ACACA: variants seen among roughly 807,000 people sequenced by gnomAD.
ACACA encodes acetyl-CoA carboxylase 1.
In ACACA, 103 loss-of-function variants were observed where a neutral mutation model predicts 296.1. That is an observed-to-expected ratio of 0.35 (90% CI 0.30 to 0.41). ACACA has a LOEUF of 0.41. Ranked by LOEUF, ACACA falls within the 10% of genes least tolerant of loss-of-function variation. ACACA has a pLI of 1.00. For missense variants in ACACA, 1,554 were observed against 2,989.7 expected, an observed-to-expected ratio of 0.52 and a Z score of 11.20; for synonymous variants, 953 against 1,038.6, an observed-to-expected ratio of 0.92 and a Z score of 1.58.
chr17:37,332,496 C>T (rs949692823), intron 2 of ACACA, among the ~76,000 whole-genome samples: 2 of 151,294 alleles, frequency 1.3e-5, no homozygotes, highest in East Asian at 1.9e-4. Flanking sequence ...TAAGCCTGGG[C>T]GCGGTGGCTC....
In ACACA at chr17:37,086,593, A is replaced by G. The variant is rs1031123945; in HGVS notation, c.*723T>C. On this transcript the variant is annotated 3_prime_UTR_variant, in exon 56 of 56. Transcript: ENST00000616317. ...ACGTGCAGGCGAGAGGCAGGCCAAC[A>G]ACTACCTTTCCCTTTGTCCTCAGAG... 2.6e-5 allele frequency: 4 copies of G among 152,724 alleles called. No homozygotes were observed. Among genetic ancestry groups the G allele is most frequent in the African/African-American group, 9.7e-5 (4 of 41,440 alleles). 9.5% of individuals were successfully genotyped at this position (152,724 alleles called of 1,614,324 possible).
chr17:37,228,312 T>C (rs1176028203), intron 25 of ACACA, among the ~76,000 whole-genome samples: 1 of 148,690 alleles, frequency 6.7e-6, no homozygotes, highest in African/African-American at 2.5e-5. Flanking sequence ...ATAAAACATA[T>C]GATGGGAGTT....
At chr17:37,144,246 A>G in intron 45 of ACACA, 1 of 692,620 alleles carries the variant, frequency 1.4e-6, no homozygotes, top group Non-Finnish European at 2.7e-6. Flanking sequence ...AAAAATGCGT[A>G]TGACAACATC....
In ACACA at chr17:37,088,236, A is replaced by G. The variant is rs980419362; in HGVS notation, c.7028+702T>C. Among the ~76,000 whole-genome samples, 5 of 152,326 alleles carry G rather than the reference A, an allele frequency of 3.3e-5. No homozygotes were observed. In the South Asian group the frequency reaches 8.3e-4, roughly 25 times the overall value. On this transcript the variant is annotated intron_variant, in intron 55 of 55. Transcript: ENST00000616317. ...TAAATTTACAAAAGTGGATCATTTT[A>G]TGATGGTTATGTAAAAGTATCCCTA...
rs570156196 is a variant in ACACA at position 37,283,546 on chromosome 17, A to G, written c.472-141T>C. 5 of 1,084,116 alleles carry G rather than the reference A, an allele frequency of 4.6e-6. No homozygotes were observed. The South Asian group carries it at 6.1e-5, about 13-fold the overall frequency. 67.2% of individuals were successfully genotyped at this position (1,084,116 alleles called of 1,614,324 possible). A position where few individuals can be genotyped will look rare whatever the true frequency, so the allele number is the denominator to read the frequency against. On this transcript the variant is annotated intron_variant, in intron 4 of 55. Coordinates refer to ENST00000616317, the MANE Select transcript of ACACA (RefSeq NM_198834.3). ...AACCAAGAATTCTTGTTACTGGTCC[A>G]GACTGTTAGAAACTGGCTTCCCCAA...
chr17:37,167,441 C>T (rs1389726678), intron 41 of ACACA, among the ~76,000 whole-genome samples: 1 of 151,106 alleles, frequency 6.6e-6, no homozygotes, highest in Non-Finnish European at 1.5e-5. Context: ...GCCTCAGCCT[C>T]CCAAGTAACT....
intron 1 of ACACA, among the ~76,000 whole-genome samples, chr17:37,351,465 CA>C (rs1398953200): frequency 1.3e-5 from 2 of 152,034 alleles, no homozygotes; most frequent in Non-Finnish European, 1.5e-5. Context: ...GACTCTGTCT[CA>C]AAAAATAAAT....
intron 3 of ACACA, among the ~76,000 whole-genome samples, chr17:37,320,346 A>AAACCCTGTCT (rs1168127116): frequency 6.6e-6 from 1 of 151,722 alleles, no homozygotes; most frequent in East Asian, 1.9e-4. Flanking sequence ...CCCTGTCTCT[A>AAACCCTGTCT]CTAAAAAAAC....
chr17:37,347,049 G>A (rs577902271), intron 1 of ACACA, among the ~76,000 whole-genome samples: 11 of 152,304 alleles, frequency 7.2e-5, no homozygotes, highest in African/African-American at 2.2e-4. Flanking sequence ...TGGTCTGGCT[G>A]TGTCCCCACC....
At chr17:37,231,741 C>T (rs2079868870) in intron 25 of ACACA, among the ~76,000 whole-genome samples, 1 of 152,118 alleles carries the variant, frequency 6.6e-6, no homozygotes, top group African/African-American at 2.4e-5. Flanking sequence ...ATCAAGGTGG[C>T]TAGAAGATAT....
intron 1 of ACACA, among the ~76,000 whole-genome samples, chr17:37,364,590 CAAAAA>C (rs58523091): frequency 2.1e-5 from 2 of 94,102 alleles, no homozygotes; most frequent in African/African-American, 4.9e-5. Flanking sequence ...GACTCCGTCT[CAAAAA>C]AAAAAAAAAA....
intron 3 of ACACA, among the ~76,000 whole-genome samples, chr17:37,320,301 CAGG>C (rs768482409): frequency 4.6e-5 from 7 of 151,984 alleles, no homozygotes; most frequent in Non-Finnish European, 8.8e-5. Context: ...CACCTGAGGT[CAGG>C]AGTTCGAGAC....
rs142293793 is a variant in ACACA, at chr17:37,234,831, C to A, written c.3246+144G>T. 187 of 926,442 alleles carry A rather than the reference C, an allele frequency of 2.0e-4. No homozygotes were observed. The African/African-American group carries it at 2.2e-3, about 11-fold the overall frequency. 57.4% of individuals were successfully genotyped at this position (926,442 alleles called of 1,614,324 possible). A position where few individuals can be genotyped will look rare whatever the true frequency, so the allele number is the denominator to read the frequency against. ...CAAGGACAAAGGTAGATGTGAGAAACTGTTAATCCACAGCTCAAGCCCCAT... is the reference window on the plus strand; with the variant it reads ...CAAGGACAAAGGTAGATGTGAGAAAATGTTAATCCACAGCTCAAGCCCCAT... On this transcript the variant is annotated intron_variant, in intron 25 of 55. Coordinates refer to ENST00000616317, the MANE Select transcript of ACACA (RefSeq NM_198834.3).
intron 39 of ACACA, among the ~76,000 whole-genome samples, chr17:37,183,564 C>T (rs1260752018): frequency 3.3e-5 from 5 of 152,096 alleles, no homozygotes; most frequent in Non-Finnish European, 7.4e-5. Context: ...CGCAGTGGCT[C>T]ACGCCTGCAA....
chr17:37,168,397 T>C (rs1210024977), intron 41 of ACACA, among the ~76,000 whole-genome samples: 2 of 152,198 alleles, frequency 1.3e-5, no homozygotes, highest in African/African-American at 2.4e-5. Flanking sequence ...TTGATAACTT[T>C]AACTTTTTAT....
intron 39 of ACACA, among the ~76,000 whole-genome samples, chr17:37,183,850 T>C (rs1188502852): frequency 1.4e-5 from 2 of 141,866 alleles, no homozygotes; most frequent in East Asian, 2.0e-4. Context: ...TTTCAGTCCT[T>C]TTTTTTTTTT....
intron 1 of ACACA, among the ~76,000 whole-genome samples, chr17:37,395,630 C>T (rs1006575515): frequency 2.0e-5 from 3 of 151,994 alleles, no homozygotes; most frequent in African/African-American, 4.8e-5. Flanking sequence ...CCGCAACCTC[C>T]GCCCGGGTTC....
At chr17:37,126,210 CTTTCT>C (rs1391340967) in intron 47 of ACACA, among the ~76,000 whole-genome samples, 2 of 152,118 alleles carry the variant, frequency 1.3e-5, no homozygotes, top group Non-Finnish European at 2.9e-5. Context: ...ATTCCACTGA[CTTTCT>C]TTTAACTGAA....
chr17:37,224,177 G>A (rs1397014036), intron 27 of ACACA, among the ~76,000 whole-genome samples: 1 of 152,146 alleles, frequency 6.6e-6, no homozygotes. Context: ...ACTCCAGCCT[G>A]GGCAACAGAG....
Sources: allele counts gnomAD v4.1 joint callset (sites outside exome capture counted in the v4.1 genomes callset), GRCh38; gene constraint gnomAD v4.1.1; transcripts MANE v1.5; gene names NCBI Gene and HGNC (gene_info 2026-07-23, HGNC 2026-07-21).